SPINK5: variants seen among roughly 807,000 people sequenced by gnomAD.
SPINK5 encodes serine peptidase inhibitor Kazal type 5, also known as serine protease inhibitor Kazal-type 5.
SPINK5 carries 125 observed loss-of-function variants against 151.8 expected under a neutral mutation model. The observed-to-expected ratio is 0.82, with a 90% CI of 0.71 to 0.96. The LOEUF is 0.96. SPINK5 is among the 40% of genes least tolerant of loss of function. SPINK5 has a pLI of 0.00. For synonymous variants in SPINK5, 374 were observed against 395.3 expected (o/e 0.95, Z 0.64); for missense variants, 1,194 against 1,291.9 (o/e 0.92, Z 1.16).
chr5:148,108,063 A>T (rs1307576915), intron 17 of SPINK5, among the ~76,000 whole-genome samples: 1 of 152,158 alleles, frequency 6.6e-6, no homozygotes, highest in Non-Finnish European at 1.5e-5. Context: ...CCTGAAATTC[A>T]AGAAGCCAGG....
At chr5:148,120,594 G>A (rs1754231351) in intron 26 of SPINK5, among the ~76,000 whole-genome samples, 1 of 152,148 alleles carries the variant, frequency 6.6e-6, no homozygotes. Flanking sequence ...TGTAGAACCA[G>A]TGACAACTGT....
chr5:148,123,521 GTATATATA>G (rs1159209367), intron 26 of SPINK5, among the ~76,000 whole-genome samples: 2 of 25,012 alleles, frequency 8.0e-5, no homozygotes, highest in Non-Finnish European at 2.5e-4. Context: ...CAATATATGT[GTATATATA>G]TATATATATA....
chr5:148,116,182 C>G (rs376144879), intron 21 of SPINK5, among the ~76,000 whole-genome samples, 188 bp from the exon 22 acceptor site: 1 of 152,124 alleles, frequency 6.6e-6, no homozygotes, highest in African/African-American at 2.4e-5. Context: ...TAATGAGACC[C>G]TTCCTGGCAA....
intron 4 of SPINK5, among the ~76,000 whole-genome samples, chr5:148,083,678 T>G (rs1203264922): frequency 6.6e-6 from 1 of 151,624 alleles, no homozygotes; most frequent in Non-Finnish European, 1.5e-5. Flanking sequence ...TGTTATTAAC[T>G]TGATTTTAGC....
chr5:148,120,961 G>T (rs925000903), intron 26 of SPINK5, among the ~76,000 whole-genome samples: 1 of 151,606 alleles, frequency 6.6e-6, no homozygotes, highest in South Asian at 2.1e-4. Flanking sequence ...TGGCTAGCAC[G>T]GTGAAACCCC....
At chr5:148,071,630 C>A (rs1190963479) in intron 3 of SPINK5, among the ~76,000 whole-genome samples, 1 of 151,420 alleles carries the variant, frequency 6.6e-6, no homozygotes, top group Non-Finnish European at 1.5e-5. Context: ...TGAAGTTATT[C>A]AATTATTATT....
In SPINK5 at chr5:148,124,854, T is replaced by C; in HGVS notation, c.2739+17T>C. 1 of 1,577,000 alleles carries C rather than the reference T, an allele frequency of 6.3e-7. No homozygotes were observed. Among genetic ancestry groups the C allele is most frequent in the Non-Finnish European group, 8.6e-7 (1 of 1,165,154 alleles). On this transcript the variant is annotated intron_variant, in intron 28 of 32. Coordinates refer to ENST00000256084, the MANE Select transcript of SPINK5 (RefSeq NM_006846.4). The stretch of plus-strand genomic sequence containing the variant: ...AATGCAAAGGTTATTTATTAAAGGA[T>C]ACCAAAATAACCATTTTACTTTTCA...
intron 31 of SPINK5, 66 bp from the exon 32 acceptor site, chr5:148,133,731 C>CTTAT: frequency 2.0e-6 from 3 of 1,530,926 alleles, no homozygotes; most frequent in Non-Finnish European, 2.7e-6. Flanking sequence ...CATGTTGGTC[C>CTTAT]TTATTTATTT....
intron 8 of SPINK5, among the ~76,000 whole-genome samples, chr5:148,092,092 A>G (rs1753327948): frequency 1.3e-5 from 2 of 151,934 alleles, no homozygotes; most frequent in African/African-American, 4.8e-5. Context: ...GAGGTTGGAT[A>G]ATGACCTGAA....
chr5:148,090,217 ACT>A lies in SPINK5; in HGVS notation c.602+601_602+602del, dbSNP rs753825342. Among the ~76,000 whole-genome samples, 101 of 151,944 alleles carry A rather than the reference ACT, an allele frequency of 6.6e-4. 4 individuals are homozygous for A. The Middle Eastern group carries it at 0.041, about 61-fold the overall frequency. On this transcript the variant is annotated intron_variant, in intron 7 of 32. Coordinates refer to ENST00000256084, the MANE Select transcript of SPINK5 (RefSeq NM_006846.4). ...ATTCTGGCTGTTAAACAAGGTTTAG[ACT>A]CTCTAATTCACGTGCCAGCAAACCT...
intron 26 of SPINK5, among the ~76,000 whole-genome samples, chr5:148,121,704 T>C (rs1581103572): frequency 6.6e-6 from 1 of 151,758 alleles, no homozygotes; most frequent in East Asian, 1.9e-4. Flanking sequence ...ACTCTTTTAA[T>C]CCCAGTGTTT....
At chr5:148,089,198 G>A in intron 6 of SPINK5, 1 of 498,282 alleles carries the variant, frequency 2.0e-6, no homozygotes, top group South Asian at 1.5e-5. Flanking sequence ...AATTTTAAAT[G>A]TCTCTTTTTA....
intron 31 of SPINK5, 124 bp from the exon 32 acceptor site, chr5:148,133,673 C>G: frequency 2.3e-6 from 2 of 863,486 alleles, no homozygotes; most frequent in Non-Finnish European, 3.8e-6. Context: ...AATGCAGATC[C>G]CAGATCCTCC....
intron 30 of SPINK5, among the ~76,000 whole-genome samples, chr5:148,130,397 T>C (rs932395403): frequency 6.6e-6 from 1 of 152,022 alleles, no homozygotes; most frequent in Admixed American, 6.6e-5. Context: ...GTCTTTTAAC[T>C]GGAGTACTTA....
At chr5:148,128,582 G>T (rs1378182782) in intron 30 of SPINK5, among the ~76,000 whole-genome samples, 1 of 152,116 alleles carries the variant, frequency 6.6e-6, no homozygotes, top group Non-Finnish European at 1.5e-5. Context: ...AGGCCGGAGT[G>T]CAGTGGCGCG....
intron 18 of SPINK5, among the ~76,000 whole-genome samples, chr5:148,109,614 C>T (rs1753868700): frequency 6.6e-6 from 1 of 151,742 alleles, no homozygotes; most frequent in Admixed American, 6.6e-5. Flanking sequence ...GCTTTAAGGC[C>T]CATGATGCAC....
At chr5:148,087,220 T>C (rs1337988518) in intron 5 of SPINK5, among the ~76,000 whole-genome samples, 2 of 151,798 alleles carry the variant, frequency 1.3e-5, no homozygotes, top group Non-Finnish European at 2.9e-5. Context: ...CTGTCCTATA[T>C]CTTGTCCCTG....
chr5:148,083,057 TAA>T (rs1323977182), intron 4 of SPINK5, among the ~76,000 whole-genome samples: 4 of 151,380 alleles, frequency 2.6e-5, no homozygotes, highest in African/African-American at 9.7e-5. Context: ...TTGATTTATT[TAA>T]GTCTATTACA....
chr5:148,070,578 A>G, intron 3 of SPINK5, 128 bp downstream of exon 3: 1 of 1,193,916 alleles, frequency 8.4e-7, no homozygotes, highest in Non-Finnish European at 1.2e-6. Context: ...AGTGCTGAGC[A>G]GATCACTCTG....
Sources: gnomAD v4.1 joint callset for allele counts (sites outside exome capture counted in the v4.1 genomes callset) on GRCh38, gnomAD v4.1.1 for gene constraint, MANE v1.5 for transcripts, NCBI Gene and HGNC (gene_info 2026-07-23, HGNC 2026-07-21) for gene names.